Variants in ZNF675 observed in about 807,000 individuals in gnomAD.
The protein encoded by ZNF675 is TRAF6 inhibitory zinc finger.
Under a neutral mutation model 56.1 loss-of-function variants are expected in ZNF675, and 36 were observed. The ratio of observed to expected loss-of-function variants is 0.64; its 90% CI spans 0.49 to 0.85. The LOEUF (loss-of-function observed/expected upper bound fraction) is 0.85, where lower values mean the gene tolerates loss of function less well. Among genes scored for constraint, ZNF675 ranks in the 40% least tolerant of loss-of-function variants. ZNF675 has a pLI of 0.00. For synonymous variants in ZNF675, 200 were observed against 218.9 expected (o/e 0.91, Z 0.76); for missense variants, 663 against 654.2 (o/e 1.01, Z -0.15).
At chr19:23,664,167 C>A (rs1220670291) in intron 1 of ZNF675, among the ~76,000 whole-genome samples, 1 of 151,738 alleles carries the variant, frequency 6.6e-6, no homozygotes, top group Non-Finnish European at 1.5e-5. Flanking sequence ...GGAGGCAGAG[C>A]GGACACAGCT....
chr19:23,658,952 TAGAG>T lies in ZNF675; in HGVS notation c.226+3158_226+3161del, dbSNP rs1568289276. On this transcript the variant is annotated intron_variant, in intron 3 of 3. Coordinates refer to ENST00000359788, the MANE Select transcript of ZNF675 (RefSeq NM_138330.3). ...ATACCGATCTATAGATATAGATCTC[TAGAG>T]ATCTATAGATAGATATAGATCTAGA... 3.9e-4 allele frequency among the ~76,000 whole-genome samples: 4 copies of T among 10,308 alleles called. No individual in the cohort carries two copies. The Non-Finnish European group carries it at 5.6e-3, about 14-fold the overall frequency. 6.8% of individuals were successfully genotyped at this position (10,308 alleles called of 152,430 possible).
intron 1 of ZNF675, among the ~76,000 whole-genome samples, chr19:23,673,329 T>C (rs551992530): frequency 1.6e-5 from 2 of 124,670 alleles, no homozygotes; most frequent in East Asian, 6.4e-4. Flanking sequence ...CCTGTTACTC[T>C]AATTGGGTTT....
rs751354363 is a variant in ZNF675, at chr19:23,653,723, C to A, written c.1210G>T (p.Ala404Ser). Residue 404 changes from alanine to serine, a missense_variant, in exon 4 of 4, where the codon GCT (alanine) becomes TCT (serine). Transcript: ENST00000359788. ...KPYKCKECGK[A>S]FKHSSALTTH... ...GTAAGGGCTGAGGAGTGTTTAAAAG[C>A]TTTGCCACATTCTTTACATTTGTAG... 6.2e-7 allele frequency: 1 copy of A among 1,613,548 alleles called. No individual in the cohort carries two copies. Among genetic ancestry groups the A allele is most frequent in the Admixed American group, 1.7e-5 (1 of 59,966 alleles).
chr19:23,662,950 C>T (rs1376030505), intron 2 of ZNF675, 82 bp downstream of exon 2: 2 of 1,360,426 alleles, frequency 1.5e-6, no homozygotes, highest in African/African-American at 3.0e-5. Context: ...CACCACTGCA[C>T]TCTAGCCTGG....
At chr19:23,682,870 G>T (rs1046190644) in intron 1 of ZNF675, among the ~76,000 whole-genome samples, 1 of 151,558 alleles carries the variant, frequency 6.6e-6, no homozygotes, top group Non-Finnish European at 1.5e-5. Context: ...AACAATTAAA[G>T]TATTATTTTA....
intron 1 of ZNF675, among the ~76,000 whole-genome samples, chr19:23,666,856 A>C (rs1204883862): frequency 6.6e-6 from 1 of 151,522 alleles, no homozygotes; most frequent in Admixed American, 6.6e-5. Flanking sequence ...AAAGGTTTCC[A>C]CGTGCAAGTG....
chr19:23,682,078 T>G (rs1968384458), intron 1 of ZNF675, among the ~76,000 whole-genome samples: 1 of 151,870 alleles, frequency 6.6e-6, no homozygotes, highest in Admixed American at 6.6e-5. Context: ...TTTCTTCCTT[T>G]TCTTAAAAAA....
In ZNF675 at chr19:23,653,832, G is replaced by A. The variant is rs777951188; in HGVS notation, c.1101C>T (p.Pro367=). 3.7e-6 allele frequency: 6 copies of A among 1,613,650 alleles called. No homozygotes were observed. In the Admixed American group the frequency reaches 1.0e-4, roughly 27 times the overall value. Residue 367 remains proline, a synonymous_variant, in exon 4 of 4, where the codon CCC becomes CCT. Transcript: ENST00000359788. ...EHKNIHTGEQ[P]YKCEECGKAF... ...CTTTGCCGCATTCCTCACATTTGTA[G>A]GGTTGCTCTCCAGTATGAATGTTTT...
intron 1 of ZNF675, among the ~76,000 whole-genome samples, chr19:23,678,190 G>A (rs758970851): frequency 2.6e-5 from 4 of 151,478 alleles, no homozygotes; most frequent in African/African-American, 7.3e-5. Context: ...AGAAAAGTTC[G>A]GTATTAATAT....
At chr19:23,682,858 C>A (rs1437194309) in intron 1 of ZNF675, among the ~76,000 whole-genome samples, 8 of 151,640 alleles carry the variant, frequency 5.3e-5, no homozygotes, top group Admixed American at 3.9e-4. Context: ...CTACACCTTT[C>A]AAACAATTAA....
At chr19:23,683,189 C>CA (rs1028077248) in intron 1 of ZNF675, among the ~76,000 whole-genome samples, 79 of 131,444 alleles carry the variant, frequency 6.0e-4, no homozygotes, top group Non-Finnish European at 8.2e-4. Flanking sequence ...GACTCAGTCT[C>CA]AAAAAAAAAA....
At position 23,669,489 on chromosome 19, in the gene ZNF675, G is replaced by C. The variant is rs536243304; in HGVS notation, c.4-6331C>G. ...GTCTCTGAGGTGCACGGTGGTGGGG[G>C]GGTGGGGGGAGCTTATGAAAGGAAA... On this transcript the variant is annotated intron_variant, in intron 1 of 3. Coordinates refer to ENST00000359788, the MANE Select transcript of ZNF675 (RefSeq NM_138330.3). Among the ~76,000 whole-genome samples the C allele has an allele frequency of 2.5e-3, 24 of 9,626 alleles. No homozygotes were observed. In the South Asian group the frequency reaches 0.088, roughly 35 times the overall value. The allele number at this position is 9,626 out of a possible 152,430, so 6.3% of individuals were successfully genotyped here.
At chr19:23,670,662 A>G (rs1036276429) in intron 1 of ZNF675, among the ~76,000 whole-genome samples, 1 of 151,986 alleles carries the variant, frequency 6.6e-6, no homozygotes, top group African/African-American at 2.4e-5. Context: ...GCTACCTCTT[A>G]GGGTAGCAGG....
intron 1 of ZNF675, 39 bp downstream of exon 1, chr19:23,686,992 C>T: frequency 6.2e-7 from 1 of 1,613,498 alleles, no homozygotes; most frequent in Non-Finnish European, 8.5e-7. Context: ...TCCAACCAGC[C>T]CCTTCCCCCT....
rs1717118863 is a variant in ZNF675 at position 23,653,085 on chromosome 19, T to C, written c.*141A>G. On this transcript the variant is annotated 3_prime_UTR_variant, in exon 4 of 4. Transcript: ENST00000359788. Reference sequence around the variant, plus strand: ...GCCAAATTCTTCACACTTGTAGTTTTCTCCAGTATGAATTATCTTACATAC... The same window carrying C: ...GCCAAATTCTTCACACTTGTAGTTTCCTCCAGTATGAATTATCTTACATAC... 1.3e-6 allele frequency: 1 copy of C among 770,500 alleles called. No homozygotes were observed. The highest frequency in any genetic ancestry group is 2.0e-6 in the Non-Finnish European group (1 of 507,920). The allele number at this position is 770,500 out of a possible 1,614,324, so 47.7% of individuals were successfully genotyped here.
intron 1 of ZNF675, among the ~76,000 whole-genome samples, chr19:23,665,804 T>G (rs1423114021): frequency 6.6e-6 from 1 of 152,186 alleles, no homozygotes; most frequent in East Asian, 1.9e-4. Context: ...CAGCCATTAA[T>G]GGGTATTTTA....
intron 3 of ZNF675, among the ~76,000 whole-genome samples, chr19:23,659,760 C>T (rs911197243): frequency 6.6e-6 from 1 of 152,102 alleles, no homozygotes; most frequent in Non-Finnish European, 1.5e-5. Context: ...CCAAACTCCT[C>T]ACAGCCAAAG....
At position 23,667,597 on chromosome 19, in the gene ZNF675, C is replaced by G. The variant is rs559702165; in HGVS notation, c.4-4439G>C. Among the ~76,000 whole-genome samples the G allele has an allele frequency of 1.2e-3, 189 of 152,086 alleles. 2 individuals carry two copies. Among genetic ancestry groups the G allele is most frequent in the African/African-American group, 4.1e-3 (168 of 41,480 alleles). The stretch of plus-strand genomic sequence containing the variant: ...CCACCAGAGTAGCTAGATAGAGTGT[C>G]GATTGGTGCACTCACAAACCCTGAG... On this transcript the variant is annotated intron_variant, in intron 1 of 3. Transcript: ENST00000359788.
chr19:23,659,050 TAG>T (rs1257495729), intron 3 of ZNF675, among the ~76,000 whole-genome samples: 1 of 149,932 alleles, frequency 6.7e-6, no homozygotes, highest in Non-Finnish European at 1.5e-5. Flanking sequence ...AGAATATGGT[TAG>T]AGCGCCTGAT....
Sources: allele counts gnomAD v4.1 joint callset (sites outside exome capture counted in the v4.1 genomes callset), GRCh38; gene constraint gnomAD v4.1.1; transcripts MANE v1.5; gene names NCBI Gene and HGNC (gene_info 2026-07-23, HGNC 2026-07-21).